CRYL1: variants seen among roughly 807,000 people sequenced by gnomAD.
CRYL1 encodes lambda-crystallin homolog.
A neutral mutation model predicts 36.6 loss-of-function variants in CRYL1; 29 were observed. The ratio of observed to expected loss-of-function variants is 0.79; its 90% CI spans 0.59 to 1.08. The LOEUF (loss-of-function observed/expected upper bound fraction) is 1.08, where lower values mean the gene tolerates loss of function less well. CRYL1 is among the 50% of genes least tolerant of loss of function. The pLI is 0.00. For synonymous variants in CRYL1, 152 were observed against 151.5 expected (o/e 1.00, Z -0.02); for missense variants, 411 against 407.9 (o/e 1.01, Z -0.06).
chr13:20,518,727 C>G (rs1365134495), intron 1 of CRYL1, among the ~76,000 whole-genome samples: 2 of 152,044 alleles, frequency 1.3e-5, no homozygotes. Context: ...AGGCTGGTGC[C>G]CGATGCGATG....
At chr13:20,420,701 T>TTTGTG in intron 5 of CRYL1, among the ~76,000 whole-genome samples, 1 of 21,840 alleles carries the variant, frequency 4.6e-5, no homozygotes, top group African/African-American at 1.1e-4. Context: ...AAAATAGAGG[T>TTTGTG]TGTGTGTGTG....
At chr13:20,508,090 G>A (rs990588149) in intron 2 of CRYL1, among the ~76,000 whole-genome samples, 7 of 152,122 alleles carry the variant, frequency 4.6e-5, no homozygotes, top group South Asian at 2.1e-4. Context: ...TTAGCTGGGC[G>A]TGGTGGTGCA....
intron 6 of CRYL1, among the ~76,000 whole-genome samples, chr13:20,407,192 A>G (rs1241646218): frequency 4.0e-5 from 6 of 151,746 alleles, no homozygotes; most frequent in East Asian, 2.0e-4. Context: ...TAAAATGTCA[A>G]TCTTACTGAT....
At chr13:20,480,028 C>T (rs2033244491) in intron 3 of CRYL1, among the ~76,000 whole-genome samples, 1 of 152,174 alleles carries the variant, frequency 6.6e-6, no homozygotes, top group African/African-American at 2.4e-5. Flanking sequence ...GTCAAAATCG[C>T]AACACAGCTA....
intron 3 of CRYL1, among the ~76,000 whole-genome samples, chr13:20,471,719 C>T (rs868732919): frequency 3.3e-5 from 5 of 152,194 alleles, no homozygotes; most frequent in Admixed American, 6.5e-5. Flanking sequence ...AGTCATCCCC[C>T]GGGATCCATC....
chr13:20,518,771 C>T (rs1362562500), intron 1 of CRYL1, among the ~76,000 whole-genome samples: 1 of 152,000 alleles, frequency 6.6e-6, no homozygotes, highest in South Asian at 2.1e-4. Context: ...AGAGGGGGTG[C>T]TGGAAAGGGG....
chr13:20,482,565 C>A (rs193097818), intron 3 of CRYL1, among the ~76,000 whole-genome samples: 1 of 152,326 alleles, frequency 6.6e-6, no homozygotes, highest in African/African-American at 2.4e-5. Flanking sequence ...TTGCGTGCTC[C>A]CGGATTTCAG....
chr13:20,482,770 T>TGCGC (rs2033305131), intron 3 of CRYL1, among the ~76,000 whole-genome samples: 1 of 151,976 alleles, frequency 6.6e-6, no homozygotes, highest in Non-Finnish European at 1.5e-5. Flanking sequence ...CGCGTGTGTG[T>TGCGC]GCGCACGCAC....
At chr13:20,517,232 T>A (rs1054297542) in intron 1 of CRYL1, among the ~76,000 whole-genome samples, 3 of 152,154 alleles carry the variant, frequency 2.0e-5, no homozygotes, top group Non-Finnish European at 4.4e-5. Flanking sequence ...AGATGACAAA[T>A]GCAGTACAGG....
chr13:20,413,016 G>A (rs2031561567), intron 6 of CRYL1, among the ~76,000 whole-genome samples: 1 of 152,154 alleles, frequency 6.6e-6, no homozygotes, highest in African/African-American at 2.4e-5. Flanking sequence ...CGAAGTTTCT[G>A]TGACATCACC....
chr13:20,428,760 C>T (rs992957870), intron 5 of CRYL1, among the ~76,000 whole-genome samples: 1 of 152,208 alleles, frequency 6.6e-6, no homozygotes, highest in African/African-American at 2.4e-5. Flanking sequence ...GCTGCCTCAC[C>T]TGCAGATGGC....
rs2031903805 is a variant in CRYL1, at chr13:20,425,100, G to C, written c.633+7002C>G. On this transcript the variant is annotated intron_variant, in intron 5 of 7. Transcript: ENST00000298248. The surrounding 1 kb of genome is among the most constrained non-coding windows in gnomAD (Gnocchi z 4.4). ...ACTCAAGCCTCAACATTTTCCCCCGGACACATTCCAGGTGCACCACAGTCT... is the reference window on the plus strand; with the variant it reads ...ACTCAAGCCTCAACATTTTCCCCCGCACACATTCCAGGTGCACCACAGTCT... 6.6e-6 allele frequency among the ~76,000 whole-genome samples: 1 copy of C among 152,142 alleles called. No homozygotes were observed. The highest frequency in any genetic ancestry group is 6.5e-5 in the Admixed American group (1 of 15,276).
At chr13:20,409,450 AC>A (rs1382409033) in intron 6 of CRYL1, among the ~76,000 whole-genome samples, 1 of 152,114 alleles carries the variant, frequency 6.6e-6, no homozygotes, top group Non-Finnish European at 1.5e-5. Flanking sequence ...CCTAGGCATT[AC>A]CATTCAGGAC....
Position 20,462,288 on chromosome 13 carries a change from A to G in CRYL1, c.277-22534T>C, listed in dbSNP as rs190742633. On this transcript the variant is annotated intron_variant, in intron 3 of 7. Transcript: ENST00000298248. ...GCCCTGGGGGCGCCCAGGGGATGGCAGTACAGATGGCTGTTAGGACACCAT... is the reference window on the plus strand; with the variant it reads ...GCCCTGGGGGCGCCCAGGGGATGGCGGTACAGATGGCTGTTAGGACACCAT... 7.2e-5 allele frequency among the ~76,000 whole-genome samples: 11 copies of G among 151,924 alleles called. No homozygotes were observed. The East Asian group carries it at 2.1e-3, about 30-fold the overall frequency.
At chr13:20,495,170 G>A (rs2033583818) in intron 2 of CRYL1, among the ~76,000 whole-genome samples, 2 of 152,118 alleles carry the variant, frequency 1.3e-5, no homozygotes, top group African/African-American at 2.4e-5. Context: ...TGTAGAAGAC[G>A]TACATAAACA....
intron 5 of CRYL1, among the ~76,000 whole-genome samples, chr13:20,424,512 G>A (rs1287133125): frequency 6.6e-6 from 1 of 152,252 alleles, no homozygotes. Context: ...GCAGAAGACA[G>A]AGGCCAGCTG....
At chr13:20,434,245 C>T (rs538659951) in intron 4 of CRYL1, among the ~76,000 whole-genome samples, 79 of 152,336 alleles carry the variant, frequency 5.2e-4, no homozygotes, top group African/African-American at 1.8e-3. Context: ...CAAGTGTGAA[C>T]TTGGGGAGCT....
At chr13:20,517,602 A>G (rs1274764274) in intron 1 of CRYL1, among the ~76,000 whole-genome samples, 1 of 151,396 alleles carries the variant, frequency 6.6e-6, no homozygotes, top group East Asian at 1.9e-4. Context: ...TCTCAAAAAA[A>G]TAAAAAAAGT....
intron 1 of CRYL1, among the ~76,000 whole-genome samples, chr13:20,517,076 A>G (rs2034013066): frequency 2.0e-5 from 3 of 152,088 alleles, no homozygotes; most frequent in African/African-American, 7.2e-5. Context: ...AAGACCCTGT[A>G]TAAAAAAGAA....
Sources: allele counts gnomAD v4.1 joint callset (sites outside exome capture counted in the v4.1 genomes callset), GRCh38; gene constraint gnomAD v4.1.1; non-coding constraint Gnocchi (gnomAD v3.1); transcripts MANE v1.5; gene names NCBI Gene and HGNC (gene_info 2026-07-23, HGNC 2026-07-21).